ABCC4: variants seen among roughly 807,000 people sequenced by gnomAD.
ABCC4 encodes the protein ATP binding cassette subfamily C member 4 (PEL blood group), also known as ATP-binding cassette sub-family C member 4.
Under a neutral mutation model 168.5 loss-of-function variants are expected in ABCC4, and 102 were observed. The observed-to-expected ratio is 0.61, with a 90% confidence interval of 0.52 to 0.71. ABCC4 has a LOEUF of 0.71. Ranked by LOEUF, ABCC4 falls within the 30% of genes least tolerant of loss-of-function variation. The probability of loss-of-function intolerance (pLI) is 0.00; values close to 1 mark genes in which losing one functional copy is unlikely to be tolerated. For synonymous variants in ABCC4, 617 were observed against 590.7 expected (o/e 1.04, Z -0.65); for missense variants, 1,402 against 1,605.8 (o/e 0.87, Z 2.17).
chr13:95,253,497 C>T (rs2040318712), intron 1 of ABCC4, among the ~76,000 whole-genome samples: 3 of 152,036 alleles, frequency 2.0e-5, no homozygotes, highest in Non-Finnish European at 4.4e-5. Flanking sequence ...GTAATCCCAG[C>T]ACTTTGGGAG....
intron 24 of ABCC4, 106 bp downstream of exon 24, chr13:95,073,098 C>A: frequency 1.2e-6 from 1 of 848,762 alleles, no homozygotes; most frequent in Admixed American, 2.8e-5. Context: ...AAATCTGTTA[C>A]CAAAGATGTA....
At chr13:95,111,173 T>C (rs961933752) in intron 20 of ABCC4, among the ~76,000 whole-genome samples, 5 of 152,334 alleles carry the variant, frequency 3.3e-5, no homozygotes, top group South Asian at 2.1e-4. Flanking sequence ...TTCAATTCTT[T>C]ATGAAAACAA....
intron 1 of ABCC4, among the ~76,000 whole-genome samples, chr13:95,290,167 G>A (rs1480169089): frequency 1.4e-5 from 2 of 146,508 alleles, no homozygotes; most frequent in East Asian, 2.0e-4. Flanking sequence ...AGATAGATGC[G>A]TGGATCCCAC....
At chr13:95,067,306 A>G (rs995743676) in intron 25 of ABCC4, among the ~76,000 whole-genome samples, 4 of 152,380 alleles carry the variant, frequency 2.6e-5, no homozygotes, top group African/African-American at 7.2e-5. Context: ...ATGTAAATTC[A>G]TAATTTGCAG....
intron 19 of ABCC4, among the ~76,000 whole-genome samples, chr13:95,145,931 G>A (rs563010973): frequency 1.3e-5 from 2 of 152,194 alleles, no homozygotes; most frequent in East Asian, 1.9e-4. Context: ...GAAACAACAG[G>A]CCGGGCACAG....
chr13:95,077,526 C>T (rs1287362582), intron 21 of ABCC4, among the ~76,000 whole-genome samples: 2 of 151,968 alleles, frequency 1.3e-5, no homozygotes, highest in Non-Finnish European at 1.5e-5. Context: ...TTTGTAGACA[C>T]TGGGTTTCGT....
In ABCC4 at chr13:95,083,879, C is replaced by T. The variant is rs114985772; in HGVS notation, c.2536-589G>A. Among the ~76,000 whole-genome samples the T allele has an allele frequency of 2.9e-3, 442 of 152,064 alleles. 2 individuals carry two copies. Among genetic ancestry groups the T allele is most frequent in the African/African-American group, 0.01 (425 of 41,472 alleles). ...TCATGAGTCAGGCATTATTACTTTC[C>T]CTATTTAATGGATGAGAAAACTGAG... On this transcript the variant is annotated intron_variant, in intron 20 of 30. Transcript: ENST00000645237.
chr13:95,170,977 C>T (rs916577511), intron 13 of ABCC4, among the ~76,000 whole-genome samples: 5 of 151,640 alleles, frequency 3.3e-5, no homozygotes, highest in African/African-American at 4.9e-5. Context: ...AAAGAAAGAT[C>T]GAGGTCACGT....
chr13:95,127,405 C>T (rs905656839), intron 19 of ABCC4, among the ~76,000 whole-genome samples: 1 of 152,128 alleles, frequency 6.6e-6, no homozygotes, highest in Non-Finnish European at 1.5e-5. Flanking sequence ...CCTGCCTCAG[C>T]CTCTCAAGTA....
intron 24 of ABCC4, among the ~76,000 whole-genome samples, chr13:95,072,971 T>C (rs2033783703): frequency 6.6e-6 from 1 of 152,162 alleles, no homozygotes; most frequent in South Asian, 2.1e-4. Flanking sequence ...TTATTACATC[T>C]GAAAAAGCTT....
At chr13:95,035,846 T>A (rs1338566492) in intron 29 of ABCC4, among the ~76,000 whole-genome samples, 5 of 152,184 alleles carry the variant, frequency 3.3e-5, no homozygotes. Context: ...CTTAAGAGAA[T>A]ATGCTGAACC....
chr13:95,030,667 G>A (rs1343745297), intron 30 of ABCC4, among the ~76,000 whole-genome samples: 3 of 152,082 alleles, frequency 2.0e-5, no homozygotes, highest in Non-Finnish European at 4.4e-5. Context: ...AACAGACCCC[G>A]TGAACATATA....
chr13:95,064,260 G>GTGTATATATATATATA (rs1269029410), intron 25 of ABCC4, among the ~76,000 whole-genome samples: 2 of 21,498 alleles, frequency 9.3e-5, no homozygotes, highest in African/African-American at 4.4e-4. Flanking sequence ...GTGTGTGTGT[G>GTGTATATATATATATA]TATATATATA....
intron 11 of ABCC4, among the ~76,000 whole-genome samples, chr13:95,186,292 G>C (rs946446628): frequency 6.6e-6 from 1 of 152,128 alleles, no homozygotes; most frequent in African/African-American, 2.4e-5. Flanking sequence ...AGAAGAATCT[G>C]GGTTGGGGGT....
At chr13:95,064,763 G>A (rs1057106606) in intron 25 of ABCC4, among the ~76,000 whole-genome samples, 1 of 152,122 alleles carries the variant, frequency 6.6e-6, no homozygotes, top group African/African-American at 2.4e-5. Context: ...CCAAACTCAG[G>A]TGAGGATATA....
At chr13:95,161,385 C>A in intron 18 of ABCC4, 50 bp from the exon 19 acceptor site, 1 of 1,419,992 alleles carries the variant, frequency 7.0e-7, no homozygotes, top group South Asian at 1.7e-5. Context: ...TCTGCATTTT[C>A]TTCAATAGTT....
intron 1 of ABCC4, among the ~76,000 whole-genome samples, chr13:95,255,226 G>C (rs530261467): frequency 1.3e-5 from 2 of 152,198 alleles, no homozygotes; most frequent in African/African-American, 4.8e-5. Flanking sequence ...CACACTTCTC[G>C]TGTAACACTC....
At chr13:95,205,635 A>T (rs2038757637) in intron 8 of ABCC4, among the ~76,000 whole-genome samples, 1 of 152,232 alleles carries the variant, frequency 6.6e-6, no homozygotes, top group Non-Finnish European at 1.5e-5. Context: ...GGAAAAGGTG[A>T]TGGTGTGTAA....
chr13:95,216,608 CAAAAAAAAAAA>C (rs199711816), intron 4 of ABCC4, among the ~76,000 whole-genome samples: 2 of 125,568 alleles, frequency 1.6e-5, no homozygotes, highest in Admixed American at 1.6e-4. Context: ...AGGAAATTCA[CAAAAAAAAAAA>C]AAAAAAAAAA....
Sources: allele counts gnomAD v4.1 joint callset (sites outside exome capture counted in the v4.1 genomes callset), GRCh38; gene constraint gnomAD v4.1.1; transcripts MANE v1.5; gene names NCBI Gene and HGNC (gene_info 2026-07-23, HGNC 2026-07-21).